The following ASAP2 variants were observed in gnomAD, a reference collection of about 807,000 sequenced individuals.
ASAP2 encodes the protein arf-GAP with SH3 domain, ANK repeat and PH domain-containing protein 2.
In ASAP2, 45 loss-of-function variants were observed where a neutral mutation model predicts 131.4. The observed-to-expected ratio is 0.34, with a 90% confidence interval of 0.27 to 0.44. The LOEUF (loss-of-function observed/expected upper bound fraction) is 0.44, where lower values mean the gene tolerates loss of function less well. ASAP2 is among the 20% of genes least tolerant of loss of function. The pLI is 1.00. For synonymous variants in ASAP2, 510 were observed against 503.0 expected, an observed-to-expected ratio of 1.01 and a Z score of -0.19; for missense variants, 1,011 against 1,297.0, an observed-to-expected ratio of 0.78 and a Z score of 3.39.
intron 20 of ASAP2, among the ~76,000 whole-genome samples, chr2:9,383,100 C>T (rs1046785362): frequency 2.0e-5 from 3 of 150,958 alleles, no homozygotes; most frequent in African/African-American, 7.3e-5. Flanking sequence ...CATATCATCT[C>T]GGGGGGGCCA....
intron 3 of ASAP2, among the ~76,000 whole-genome samples, chr2:9,317,401 AACAC>A (rs946907149): frequency 7.0e-6 from 1 of 141,952 alleles, no homozygotes. Flanking sequence ...CACACCCTCA[AACAC>A]ACACATGCTC....
chr2:9,284,111 A>T (rs1015361749), intron 2 of ASAP2, among the ~76,000 whole-genome samples: 6 of 152,224 alleles, frequency 3.9e-5, no homozygotes, highest in African/African-American at 1.4e-4. Context: ...GCTGATTAGC[A>T]ACTGTATTTC....
At chr2:9,300,529 C>G (rs925618166) in intron 3 of ASAP2, among the ~76,000 whole-genome samples, 1 of 152,234 alleles carries the variant, frequency 6.6e-6, no homozygotes, top group African/African-American at 2.4e-5. Context: ...TAGTTGCTGT[C>G]CAGCTTTCTA....
chr2:9,370,236 G>C (rs964637783), intron 16 of ASAP2, among the ~76,000 whole-genome samples: 6 of 152,206 alleles, frequency 3.9e-5, no homozygotes, highest in Non-Finnish European at 5.9e-5. Flanking sequence ...TTGATACAGT[G>C]AAAGAGCCAG....
chr2:9,380,630 G>A (rs1674764520), intron 19 of ASAP2, 111 bp from the exon 20 acceptor site: 1 of 983,560 alleles, frequency 1.0e-6, no homozygotes, highest in Non-Finnish European at 1.6e-6. Context: ...TCATTAACCA[G>A]GCCCAATTTA....
At chr2:9,345,340 C>T (rs1190626109) in intron 11 of ASAP2, among the ~76,000 whole-genome samples, 1 of 152,118 alleles carries the variant, frequency 6.6e-6, no homozygotes, top group Non-Finnish European at 1.5e-5. Flanking sequence ...TTCCATCATC[C>T]TGTTTATCAG....
intron 1 of ASAP2, among the ~76,000 whole-genome samples, chr2:9,276,868 C>A (rs1666793001): frequency 6.6e-6 from 1 of 152,148 alleles, no homozygotes; most frequent in South Asian, 2.1e-4. Context: ...GAGGTGTTTT[C>A]TCCCTTTACA....
chr2:9,253,541 G>A (rs1664876827), intron 1 of ASAP2, among the ~76,000 whole-genome samples: 1 of 152,160 alleles, frequency 6.6e-6, no homozygotes, highest in Admixed American at 6.5e-5. Flanking sequence ...ACGTAGCAGA[G>A]TGCCGTCACG....
intron 1 of ASAP2, among the ~76,000 whole-genome samples, chr2:9,261,133 C>T (rs16866972): frequency 0.22 from 34,063 of 152,070 alleles, 4,205 homozygotes; most frequent in African/African-American, 0.29. Context: ...GAAGTAGCAG[C>T]CCCCTTGCCT....
chr2:9,388,884 C>A (rs1445882160), intron 22 of ASAP2, among the ~76,000 whole-genome samples: 1 of 152,210 alleles, frequency 6.6e-6, no homozygotes, highest in Non-Finnish European at 1.5e-5. Flanking sequence ...TTCTGTTTAC[C>A]TTTCTCCACT....
intron 1 of ASAP2, among the ~76,000 whole-genome samples, chr2:9,220,678 T>C (rs1662354156): frequency 6.6e-6 from 1 of 152,260 alleles, no homozygotes; most frequent in Non-Finnish European, 1.5e-5. Flanking sequence ...GATGGTGTCC[T>C]TCAAAGGACA....
intron 9 of ASAP2, 87 bp from the exon 10 acceptor site, chr2:9,344,445 C>A: frequency 9.2e-7 from 1 of 1,086,254 alleles, no homozygotes; most frequent in Non-Finnish European, 1.3e-6. Flanking sequence ...AAAAAAAACA[C>A]ATTAGGCATA....
chr2:9,253,550 C>T lies in ASAP2; in HGVS notation c.127-25767C>T, dbSNP rs1305492376. Among the ~76,000 whole-genome samples, 10 of 152,184 alleles carry T rather than the reference C, an allele frequency of 6.6e-5. 1 individual carries two copies. Among genetic ancestry groups the T allele is most frequent in the East Asian group, 1.9e-4 (1 of 5,198 alleles). The stretch of plus-strand genomic sequence containing the variant: ...GATGTAACGTAGCAGAGTGCCGTCA[C>T]GCAGAACTCCCCTCTTCAGTTGGTT... On this transcript the variant is annotated intron_variant, in intron 1 of 27. Transcript: ENST00000281419.
In ASAP2 at chr2:9,403,142, G is replaced by C. The variant is rs1246413077; in HGVS notation, c.2947-111G>C. 4.8e-6 allele frequency: 4 copies of C among 829,412 alleles called. No individual in the cohort carries two copies. The Admixed American group carries it at 7.6e-5, about 16-fold the overall frequency. The allele number at this position is 829,412 out of a possible 1,614,324, so 51.4% of individuals were successfully genotyped here. The stretch of plus-strand genomic sequence containing the variant: ...ACCTAAGTAATTCCTTGTCGGAAGA[G>C]TCTTCTGAACCAATCTTGCTTTTCT... On this transcript the variant is annotated intron_variant, in intron 27 of 27. Coordinates refer to ENST00000281419, the MANE Select transcript of ASAP2 (RefSeq NM_003887.3).
At chr2:9,247,566 G>A (rs566721716) in intron 1 of ASAP2, among the ~76,000 whole-genome samples, 2 of 152,332 alleles carry the variant, frequency 1.3e-5, no homozygotes, top group South Asian at 2.1e-4. Flanking sequence ...TGGATGGGCA[G>A]TGGGTTCCAG....
intron 24 of ASAP2, among the ~76,000 whole-genome samples, chr2:9,395,125 G>C (rs1676012493): frequency 6.6e-6 from 1 of 152,158 alleles, no homozygotes; most frequent in South Asian, 2.1e-4. Flanking sequence ...AGACACAGTC[G>C]GGGCAGAGAG....
At chr2:9,343,950 C>G (rs1237503405) in intron 9 of ASAP2, among the ~76,000 whole-genome samples, 1 of 152,184 alleles carries the variant, frequency 6.6e-6, no homozygotes, top group Non-Finnish European at 1.5e-5. Flanking sequence ...GGGTCAGACC[C>G]CCCTTACTCA....
intron 1 of ASAP2, among the ~76,000 whole-genome samples, chr2:9,273,216 A>G (rs1347938495): frequency 6.6e-6 from 1 of 152,108 alleles, no homozygotes; most frequent in African/African-American, 2.4e-5. Context: ...GTCCTCTTCA[A>G]TTTCTTACAT....
intron 9 of ASAP2, among the ~76,000 whole-genome samples, chr2:9,340,026 T>C (rs891849433): frequency 6.6e-6 from 1 of 152,146 alleles, no homozygotes; most frequent in Non-Finnish European, 1.5e-5. Flanking sequence ...TCTGCAGCTT[T>C]TTGTTTGTTT....
Sources: allele counts gnomAD v4.1 joint callset (sites outside exome capture counted in the v4.1 genomes callset), GRCh38; gene constraint gnomAD v4.1.1; transcripts MANE v1.5; gene names NCBI Gene and HGNC (gene_info 2026-07-23, HGNC 2026-07-21).